Variants in KAT6A observed in about 807,000 individuals in gnomAD.
KAT6A encodes lysine acetyltransferase 6A, also known as histone acetyltransferase KAT6A.
In KAT6A, 9 loss-of-function variants were observed where a neutral mutation model predicts 198.4. The ratio of observed to expected loss-of-function variants is 0.05; its 90% CI spans 0.03 to 0.08. KAT6A has a LOEUF of 0.08. Ranked by LOEUF, KAT6A falls within the 10% of genes least tolerant of loss-of-function variation. The pLI, the probability that KAT6A is intolerant of heterozygous loss-of-function variation, is 1.00. For synonymous variants in KAT6A, 890 were observed against 883.0 expected, an observed-to-expected ratio of 1.01 and a Z score of -0.14; for missense variants, 2,077 against 2,509.9, an observed-to-expected ratio of 0.83 and a Z score of 3.69.
intron 2 of KAT6A, among the ~76,000 whole-genome samples, chr8:42,018,164 A>C (rs1208832491): frequency 6.6e-6 from 1 of 152,202 alleles, no homozygotes; most frequent in East Asian, 1.9e-4. Flanking sequence ...AAGCTCTGTA[A>C]AGAAATTCCA....
At chr8:41,973,740 T>C (rs544442508) in intron 8 of KAT6A, among the ~76,000 whole-genome samples, 7 of 152,094 alleles carry the variant, frequency 4.6e-5, no homozygotes, top group Non-Finnish European at 7.4e-5. Context: ...TTCCCCTATC[T>C]TCAAGTCTAT....
At chr8:41,983,943 GC>G (rs1401396284) in intron 3 of KAT6A, among the ~76,000 whole-genome samples, 2 of 152,226 alleles carry the variant, frequency 1.3e-5, no homozygotes, top group African/African-American at 4.8e-5. Context: ...CACAGGCTCT[GC>G]TCTTTGGACT....
chr8:41,972,939 A>G (rs1049198436), intron 8 of KAT6A, among the ~76,000 whole-genome samples: 2 of 152,330 alleles, frequency 1.3e-5, no homozygotes, highest in South Asian at 4.1e-4. Context: ...TAGAGTACCT[A>G]TAATAACTCA....
intron 2 of KAT6A, among the ~76,000 whole-genome samples, chr8:42,037,636 C>G (rs575234664): frequency 6.6e-6 from 1 of 150,844 alleles, no homozygotes; most frequent in East Asian, 2.0e-4. Flanking sequence ...ATCACCTATT[C>G]TACATAAAAG....
rs1564003075 is a variant in KAT6A, at chr8:41,933,037, T to G, written c.5183A>C (p.Asn1728Thr). 3 of 1,613,982 alleles carry G rather than the reference T, an allele frequency of 1.9e-6. No individual in the cohort carries two copies. Among genetic ancestry groups the G allele is most frequent in the African/African-American group, 2.7e-5 (2 of 74,952 alleles). Residue 1728 changes from asparagine to threonine, a missense_variant, in exon 17 of 17, where the codon AAC (asparagine) becomes ACC (threonine). Asn to Thr is a moderately conservative substitution (Grantham distance 65, BLOSUM62 0). Coordinates refer to ENST00000265713, the MANE Select transcript of KAT6A (RefSeq NM_006766.5). The surrounding 1 kb of genome is among the most constrained non-coding windows in gnomAD (Gnocchi z 6.2). ...MEIPESGSTG[N>T]ISIYERIPGD... ...TGGAATCCTCTCATAGATACTTATGTTCCCAGTGCTTCCAGATTCTGGTAT... is the reference window on the plus strand; with the variant it reads ...TGGAATCCTCTCATAGATACTTATGGTCCCAGTGCTTCCAGATTCTGGTAT...
chr8:42,041,094 C>G (rs1037839588), intron 2 of KAT6A, among the ~76,000 whole-genome samples: 9 of 149,374 alleles, frequency 6.0e-5, no homozygotes, highest in African/African-American at 2.0e-4. Flanking sequence ...ATTTGGGAGA[C>G]TGAGGCAGGA....
intron 9 of KAT6A, among the ~76,000 whole-genome samples, chr8:41,954,152 TCTTACCC>T (rs1822804625): frequency 6.6e-6 from 1 of 152,196 alleles, no homozygotes; most frequent in Admixed American, 6.5e-5. Flanking sequence ...GAAATGGCAT[TCTTACCC>T]CTATTTTTCT....
At chr8:41,959,900 G>A (rs2150874401) in intron 8 of KAT6A, among the ~76,000 whole-genome samples, 1 of 151,872 alleles carries the variant, frequency 6.6e-6, no homozygotes, top group Admixed American at 6.5e-5. Context: ...AGGTTGCAGT[G>A]AGCCAAGATC....
At chr8:41,947,697 G>T in intron 11 of KAT6A, 54 bp downstream of exon 11, 1 of 1,435,362 alleles carries the variant, frequency 7.0e-7, no homozygotes, top group Non-Finnish European at 9.6e-7. Context: ...AACCAGCAAA[G>T]ATTCTTTCAG....
At chr8:42,010,990 C>A (rs1464181084) in intron 2 of KAT6A, among the ~76,000 whole-genome samples, 1 of 152,242 alleles carries the variant, frequency 6.6e-6, no homozygotes, top group Non-Finnish European at 1.5e-5. Flanking sequence ...AAAGAGAGAG[C>A]AGAGATAAGA....
chr8:41,961,834 T>TA (rs1823218229), intron 8 of KAT6A, among the ~76,000 whole-genome samples: 1 of 151,678 alleles, frequency 6.6e-6, no homozygotes, highest in Admixed American at 6.6e-5. Context: ...CTAATTACTG[T>TA]AAAAAACCTC....
chr8:41,959,296 T>C (rs551799736), intron 8 of KAT6A, among the ~76,000 whole-genome samples: 3 of 152,022 alleles, frequency 2.0e-5, no homozygotes, highest in South Asian at 2.1e-4. Flanking sequence ...CACAATCAGA[T>C]ACTACTTCAC....
chr8:42,028,564 TG>T (rs1826956465), intron 2 of KAT6A, among the ~76,000 whole-genome samples: 1 of 152,236 alleles, frequency 6.6e-6, no homozygotes, highest in Admixed American at 6.5e-5. Context: ...TAATCACTTT[TG>T]GTTTCCATTT....
rs1821438109 is a variant in KAT6A, at chr8:41,929,884, G to A, written c.*2321C>T. On this transcript the variant is annotated 3_prime_UTR_variant, in exon 17 of 17. Transcript: ENST00000265713. The stretch of plus-strand genomic sequence containing the variant: ...TTTAAAGATGGAATGAAATGAAAAA[G>A]CTCTTATTTTAAAAGGCATCAAAGT... 4 of 208,286 alleles carry A rather than the reference G, an allele frequency of 1.9e-5. No individual in the cohort carries two copies. Among genetic ancestry groups the A allele is most frequent in the Admixed American group, 1.8e-4 (3 of 16,850 alleles). The allele number at this position is 208,286 out of a possible 1,614,324, so 12.9% of individuals were successfully genotyped here.
intron 2 of KAT6A, among the ~76,000 whole-genome samples, chr8:42,023,970 G>GT (rs1232068711): frequency 6.6e-6 from 1 of 152,112 alleles, no homozygotes; most frequent in Admixed American, 6.6e-5. Context: ...GGAAAGTGGG[G>GT]TGATACCACA....
chr8:42,035,137 A>G (rs1827307770), intron 2 of KAT6A, among the ~76,000 whole-genome samples: 2 of 152,244 alleles, frequency 1.3e-5, no homozygotes, highest in African/African-American at 4.8e-5. Context: ...AAGAGGTTAA[A>G]TAAGAGATGT....
At position 41,933,967 on chromosome 8, in the gene KAT6A, C is replaced by T. The variant is rs1172681949; in HGVS notation, c.4253G>A (p.Ser1418Asn). The change falls in exon 17 of 17, where the codon AGT (serine) becomes AAT (asparagine). Residue 1418 changes from serine to asparagine, a missense_variant. Around this residue, in one of 13 missense-constraint regions of KAT6A, gnomAD observed 178 missense variants for 220.8 expected, o/e 0.81. Coordinates refer to ENST00000265713, the MANE Select transcript of KAT6A (RefSeq NM_006766.5). The surrounding 1 kb of genome is among the most constrained non-coding windows in gnomAD (Gnocchi z 6.2). Reference protein sequence around the residue: ...ELKEEEEIPHSELDLETVQAV... With the variant: ...ELKEEEEIPHNELDLETVQAV... The stretch of plus-strand genomic sequence containing the variant: ...CTGTACAGTTTCCAGATCCAGCTCA[C>T]TATGAGGAATCTCTTCCTCCTCTTT... The T allele has an allele frequency of 6.2e-7, 1 of 1,614,076 alleles. No individual in the cohort carries two copies. The highest frequency in any genetic ancestry group is 8.5e-7 in the Non-Finnish European group (1 of 1,180,010).
chr8:42,009,156 C>A lies in KAT6A; in HGVS notation c.601-21593G>T, dbSNP rs1825888997. On this transcript the variant is annotated intron_variant, in intron 2 of 16. Transcript: ENST00000265713. Reference sequence around the variant, plus strand: ...GAGAACATTGCATATAAATAACTAGCTACATCAGAGAGAAAATCAGTTAGT... The same window carrying A: ...GAGAACATTGCATATAAATAACTAGATACATCAGAGAGAAAATCAGTTAGT... 2.0e-5 allele frequency among the ~76,000 whole-genome samples: 3 copies of A among 152,054 alleles called. No individual in the cohort carries two copies. In the South Asian group the frequency reaches 6.2e-4, roughly 32 times the overall value.
At chr8:41,979,484 T>C (rs1216167936) in intron 5 of KAT6A, among the ~76,000 whole-genome samples, 1 of 149,094 alleles carries the variant, frequency 6.7e-6, no homozygotes, top group Non-Finnish European at 1.5e-5. Context: ...ACAAAAAACA[T>C]TAGCTGCAAG....
Sources: gnomAD v4.1 joint callset for allele counts (sites outside exome capture counted in the v4.1 genomes callset) on GRCh38, gnomAD v4.1.1 for gene constraint, gnomAD v4.1.1 regional missense constraint, Gnocchi (gnomAD v3.1) non-coding constraint, MANE v1.5 for transcripts, NCBI Gene and HGNC (gene_info 2026-07-23, HGNC 2026-07-21) for gene names.